The following SORCS3 variants were observed in gnomAD, a reference collection of about 807,000 sequenced individuals.
The protein encoded by SORCS3 is VPS10 domain-containing receptor SorCS3.
SORCS3 carries 57 observed loss-of-function variants against 146.3 expected under a neutral mutation model. The ratio of observed to expected loss-of-function variants is 0.39; its 90% CI spans 0.31 to 0.49. The LOEUF (loss-of-function observed/expected upper bound fraction) is 0.49. Among genes scored for constraint, SORCS3 ranks in the 20% least tolerant of loss-of-function variants. The pLI is 0.92. For synonymous variants in SORCS3, 653 were observed against 618.5 expected (o/e 1.06, Z -0.83); for missense variants, 1,341 against 1,575.5 (o/e 0.85, Z 2.52).
intron 5 of SORCS3, among the ~76,000 whole-genome samples, chr10:105,052,794 A>G (rs2055422172): frequency 6.6e-6 from 1 of 152,040 alleles, no homozygotes. Flanking sequence ...ACCAAATTGA[A>G]GGCTTGGAGG....
intron 23 of SORCS3, among the ~76,000 whole-genome samples, chr10:105,254,148 A>C (rs987289143): frequency 1.3e-5 from 2 of 152,206 alleles, no homozygotes; most frequent in Non-Finnish European, 2.9e-5. Flanking sequence ...TCCCATAAAA[A>C]GGAGGCAGCT....
chr10:105,076,230 A>G (rs76844474), intron 5 of SORCS3, among the ~76,000 whole-genome samples: 201 of 152,342 alleles, frequency 1.3e-3, no homozygotes, highest in African/African-American at 4.7e-3. Flanking sequence ...TGAGATTAGA[A>G]TCTAGGACCT....
At chr10:104,688,354 G>GT (rs1469064944) in intron 1 of SORCS3, among the ~76,000 whole-genome samples, 18 of 152,214 alleles carry the variant, frequency 1.2e-4, no homozygotes, top group African/African-American at 3.4e-4. Flanking sequence ...GGCTGCGTGT[G>GT]TGGGGGGGCA....
At chr10:104,966,163 C>T (rs554714588) in intron 3 of SORCS3, among the ~76,000 whole-genome samples, 6 of 152,008 alleles carry the variant, frequency 3.9e-5, no homozygotes, top group East Asian at 3.9e-4. Flanking sequence ...ACTCTCTCCC[C>T]TGCCCCCAGC....
chr10:105,004,609 T>C (rs1162601746), intron 4 of SORCS3, among the ~76,000 whole-genome samples: 1 of 152,114 alleles, frequency 6.6e-6, no homozygotes, highest in Non-Finnish European at 1.5e-5. Context: ...TGTTTGTTTT[T>C]GTTTTTGGTT....
chr10:105,184,882 TACAG>T (rs2056465509), intron 14 of SORCS3, among the ~76,000 whole-genome samples: 2 of 152,214 alleles, frequency 1.3e-5, no homozygotes, highest in Admixed American at 6.5e-5. Flanking sequence ...TATTGCTAAA[TACAG>T]ACACTATGTT....
At chr10:105,208,465 C>T (rs1244477597) in intron 16 of SORCS3, among the ~76,000 whole-genome samples, 1 of 151,698 alleles carries the variant, frequency 6.6e-6, no homozygotes, top group Non-Finnish European at 1.5e-5. Context: ...TGCTGATCAT[C>T]ATACATATTC....
intron 2 of SORCS3, among the ~76,000 whole-genome samples, chr10:104,902,988 A>G (rs569376485): frequency 2.0e-4 from 30 of 152,332 alleles, no homozygotes; most frequent in Non-Finnish European, 2.8e-4. Flanking sequence ...GAATCAGTGA[A>G]ACCCTTGCCA....
intron 1 of SORCS3, among the ~76,000 whole-genome samples, chr10:104,717,480 A>T (rs925845630): frequency 6.6e-6 from 1 of 152,038 alleles, no homozygotes; most frequent in African/African-American, 2.4e-5. Context: ...GGCGCCCAGC[A>T]TTGTTGCCTG....
At chr10:104,819,840 G>T (rs2133527363) in intron 1 of SORCS3, among the ~76,000 whole-genome samples, 1 of 152,322 alleles carries the variant, frequency 6.6e-6, no homozygotes, top group African/African-American at 2.4e-5. Flanking sequence ...GTTTTAGGAG[G>T]GTGGAGAGGC....
intron 2 of SORCS3, among the ~76,000 whole-genome samples, chr10:104,897,359 C>T (rs56693513): frequency 0.37 from 56,018 of 152,022 alleles, 13,449 homozygotes; most frequent in African/African-American, 0.69. Flanking sequence ...CCCAAAGGAA[C>T]GAATATTTAA....
intron 4 of SORCS3, among the ~76,000 whole-genome samples, chr10:105,022,313 T>TTC (rs1554869672): frequency 3.7e-4 from 49 of 133,852 alleles, no homozygotes; most frequent in South Asian, 9.3e-4. Context: ...TTTTTTTTTT[T>TTC]CGAGACGGAG....
chr10:105,081,855 T>G (rs2055628471), intron 5 of SORCS3, among the ~76,000 whole-genome samples: 1 of 152,162 alleles, frequency 6.6e-6, no homozygotes, highest in Non-Finnish European at 1.5e-5. Flanking sequence ...ATCCAATTAA[T>G]GACAATACCC....
rs879719210 is a variant in SORCS3 at position 105,264,416 on chromosome 10, A to T, written c.*1042A>T. The stretch of plus-strand genomic sequence containing the variant: ...CTGTTTTTAAATTGGATTCTATGAA[A>T]ATGCATAATGCTTATGGTGAATTCT... On this transcript the variant is annotated 3_prime_UTR_variant, in exon 27 of 27. Transcript: ENST00000369701. 1 of 152,208 alleles carries T rather than the reference A, an allele frequency of 6.6e-6. No individual in the cohort carries two copies. The highest frequency in any genetic ancestry group is 2.4e-5 in the African/African-American group (1 of 41,454). The allele number at this position is 152,208 out of a possible 1,614,324, so 9.4% of individuals were successfully genotyped here.
chr10:105,238,564 T>G (rs1377145023), intron 20 of SORCS3, among the ~76,000 whole-genome samples: 2 of 152,058 alleles, frequency 1.3e-5, no homozygotes, highest in East Asian at 3.9e-4. Context: ...AGTTAAAGGA[T>G]TCATTTGGGC....
Position 105,043,360 on chromosome 10 carries a change from C to G in SORCS3, c.1028+232C>G, listed in dbSNP as rs201785393. On this transcript the variant is annotated intron_variant, in intron 5 of 26. Coordinates refer to ENST00000369701, the MANE Select transcript of SORCS3 (RefSeq NM_014978.3). Reference sequence around the variant, plus strand: ...AACTGGGATTTGCATTTAACATGATCCTTTGCTGACTCATGTGCACATGAA... The same window carrying G: ...AACTGGGATTTGCATTTAACATGATGCTTTGCTGACTCATGTGCACATGAA... 7.9e-5 allele frequency among the ~76,000 whole-genome samples: 12 copies of G among 152,066 alleles called. No homozygotes were observed. The East Asian group carries it at 2.1e-3, about 27-fold the overall frequency.
In SORCS3 at chr10:104,931,618, G is replaced by T. The variant is rs527647583; in HGVS notation, c.795+15686G>T. Among the ~76,000 whole-genome samples the T allele has an allele frequency of 2.0e-5, 3 of 152,320 alleles. No individual in the cohort carries two copies. The South Asian group carries it at 6.2e-4, about 32-fold the overall frequency. ...TGTTGATATGCAAAGGCTGAGAAAA[G>T]ACTCCAAACAGAAATCTCAACCTCT... On this transcript the variant is annotated intron_variant, in intron 3 of 26. Coordinates refer to ENST00000369701, the MANE Select transcript of SORCS3 (RefSeq NM_014978.3).
intron 1 of SORCS3, among the ~76,000 whole-genome samples, chr10:104,759,563 C>T (rs957012989): frequency 6.6e-6 from 1 of 152,176 alleles, no homozygotes; most frequent in Non-Finnish European, 1.5e-5. Context: ...ATAGTTTCAG[C>T]ATATTGATTA....
At position 104,721,310 on chromosome 10, in the gene SORCS3, G is replaced by C. The variant is rs576313777; in HGVS notation, c.627+79356G>C. 7.9e-5 allele frequency among the ~76,000 whole-genome samples: 12 copies of C among 152,170 alleles called. No individual in the cohort carries two copies. The South Asian group carries it at 1.2e-3, about 16-fold the overall frequency. On this transcript the variant is annotated intron_variant, in intron 1 of 26. Transcript: ENST00000369701. ...GTAGATATGCAGCATTATTTCTGAGGGCTCTGTTCTGTTCCATTGATCTAT... is the reference window on the plus strand; with the variant it reads ...GTAGATATGCAGCATTATTTCTGAGCGCTCTGTTCTGTTCCATTGATCTAT...
Sources: gnomAD v4.1 joint callset for allele counts (sites outside exome capture counted in the v4.1 genomes callset) on GRCh38, gnomAD v4.1.1 for gene constraint, MANE v1.5 for transcripts, NCBI Gene and HGNC (gene_info 2026-07-23, HGNC 2026-07-21) for gene names.